The following ANKRD44 variants were observed in gnomAD, a reference collection of about 807,000 sequenced individuals.
ANKRD44 encodes the protein ankyrin repeat domain 44.
ANKRD44 carries 35 observed loss-of-function variants against 116.0 expected under a neutral mutation model. That is an observed-to-expected ratio of 0.30 (90% CI 0.23 to 0.40). The LOEUF is 0.40. ANKRD44 is among the 10% of genes least tolerant of loss of function. The pLI is 1.00. For missense variants in ANKRD44, 1,014 were observed against 1,242.6 expected (o/e 0.82, Z 2.77); for synonymous variants, 435 against 461.8 (o/e 0.94, Z 0.74).
At chr2:196,974,034 G>A (rs924237577) in intron 21 of ANKRD44, among the ~76,000 whole-genome samples, 1 of 151,780 alleles carries the variant, frequency 6.6e-6, no homozygotes, top group Non-Finnish European at 1.5e-5. Flanking sequence ...AGTACGAGAT[G>A]GAAATTTGGG....
intron 1 of ANKRD44, among the ~76,000 whole-genome samples, chr2:197,301,622 G>C (rs1257073378): frequency 6.6e-6 from 1 of 152,192 alleles, no homozygotes; most frequent in Non-Finnish European, 1.5e-5. Flanking sequence ...AATGAAAGCT[G>C]TTTATAGAAG....
chr2:197,016,735 A>G (rs903040263), intron 17 of ANKRD44, among the ~76,000 whole-genome samples: 1 of 152,150 alleles, frequency 6.6e-6, no homozygotes, highest in African/African-American at 2.4e-5. Flanking sequence ...ACAAAAACTC[A>G]GAATTCACAA....
chr2:197,073,931 A>G (rs2077611794), intron 16 of ANKRD44, among the ~76,000 whole-genome samples: 1 of 152,222 alleles, frequency 6.6e-6, no homozygotes, highest in Non-Finnish European at 1.5e-5. Context: ...TTCTTTCATC[A>G]GCTGCCAAAT....
chr2:197,000,289 T>C (rs2076091227), intron 23 of ANKRD44, 130 bp downstream of exon 23: 6 of 704,804 alleles, frequency 8.5e-6, no homozygotes, highest in Non-Finnish European at 1.4e-5. Context: ...TTATACACCC[T>C]CTGTAATATT....
chr2:197,015,910 G>T lies in ANKRD44; in HGVS notation c.1723-2198C>A, dbSNP rs187264017. 4.2e-4 allele frequency: 220 copies of T among 526,710 alleles called. 1 individual carries two copies. In the East Asian group the frequency reaches 7.9e-3, roughly 19 times the overall value. The allele number at this position is 526,710 out of a possible 1,614,324, so 32.6% of individuals were successfully genotyped here. A position where few individuals can be genotyped will look rare whatever the true frequency, so the allele number is the denominator to read the frequency against. ...TAGTGGGCGACAGCAATCAAATTTTGGATCCATGAAAGGGGGTAGTTTTGG... is the reference window on the plus strand; with the variant it reads ...TAGTGGGCGACAGCAATCAAATTTTTGATCCATGAAAGGGGGTAGTTTTGG... On this transcript the variant is annotated intron_variant, in intron 17 of 27. Transcript: ENST00000282272.
chr2:197,215,069 T>A (rs2081415340), intron 1 of ANKRD44, among the ~76,000 whole-genome samples: 1 of 152,112 alleles, frequency 6.6e-6, no homozygotes, highest in South Asian at 2.1e-4. Flanking sequence ...AGAGACAGGG[T>A]TTTGCCATGT....
Position 197,015,171 on chromosome 2 carries a change from G to T in ANKRD44, c.1723-1459C>A. 5 of 267,976 alleles carry T rather than the reference G, an allele frequency of 1.9e-5. No individual in the cohort carries two copies. In the South Asian group the frequency reaches 2.2e-4, roughly 12 times the overall value. The allele number at this position is 267,976 out of a possible 1,614,324, so 16.6% of individuals were successfully genotyped here. A position where few individuals can be genotyped will look rare whatever the true frequency, so the allele number is the denominator to read the frequency against. On this transcript the variant is annotated intron_variant, in intron 17 of 27. Coordinates refer to ENST00000282272, the MANE Select transcript of ANKRD44 (RefSeq NM_001195144.2). ...TCTTGTGTTGAAGAGGTAGATGCTT[G>T]ACCACATAGCATTGATGAGCATGTA...
chr2:197,100,780 T>C (rs945456023), intron 9 of ANKRD44, among the ~76,000 whole-genome samples: 38 of 152,248 alleles, frequency 2.5e-4, no homozygotes, highest in Non-Finnish European at 4.8e-4. Context: ...ATAAAAACTA[T>C]GACAATAATC....
intron 2 of ANKRD44, among the ~76,000 whole-genome samples, chr2:197,161,602 T>C (rs2079967170): frequency 6.6e-6 from 1 of 152,200 alleles, no homozygotes; most frequent in South Asian, 2.1e-4. Flanking sequence ...CATGGATGGA[T>C]TAAACACTAA....
chr2:197,249,529 T>C (rs576738146), intron 1 of ANKRD44, among the ~76,000 whole-genome samples: 2 of 152,326 alleles, frequency 1.3e-5, no homozygotes, highest in African/African-American at 4.8e-5. Context: ...ACATCTTATT[T>C]ATTTTAGAGA....
chr2:197,259,620 C>T (rs1203204493), intron 1 of ANKRD44, among the ~76,000 whole-genome samples: 1 of 152,158 alleles, frequency 6.6e-6, no homozygotes, highest in Non-Finnish European at 1.5e-5. Flanking sequence ...CGTCCTCCAA[C>T]TCATAGTCAT....
At chr2:197,301,749 A>G (rs1212997711) in intron 1 of ANKRD44, among the ~76,000 whole-genome samples, 1 of 152,250 alleles carries the variant, frequency 6.6e-6, no homozygotes, top group Non-Finnish European at 1.5e-5. Flanking sequence ...TTGAGCATTT[A>G]CTATGCACCT....
rs1425878962 is a variant in ANKRD44, at chr2:196,987,645, A to G, written c.*1946T>C. On this transcript the variant is annotated 3_prime_UTR_variant, in exon 28 of 28. Transcript: ENST00000282272. ...GCCCTTTTAGTAGTGATAAATAGAA[A>G]TACCCTGAGCTATTTACTGTAGAAT... The G allele has an allele frequency of 1.3e-5, 13 of 985,306 alleles. No individual in the cohort carries two copies. The highest frequency in any genetic ancestry group is 1.6e-5 in the Non-Finnish European group (13 of 829,922). The allele number at this position is 985,306 out of a possible 1,614,324, so 61.0% of individuals were successfully genotyped here. A position where few individuals can be genotyped will look rare whatever the true frequency, so the allele number is the denominator to read the frequency against.
At chr2:197,003,941 T>C (rs1464452521) in intron 21 of ANKRD44, among the ~76,000 whole-genome samples, 2 of 152,002 alleles carry the variant, frequency 1.3e-5, no homozygotes, top group African/African-American at 4.8e-5. Flanking sequence ...AAGAGGACCG[T>C]AGTGAAAACA....
intron 1 of ANKRD44, among the ~76,000 whole-genome samples, chr2:197,294,401 C>T (rs1279907118): frequency 7.4e-6 from 1 of 135,608 alleles, no homozygotes; most frequent in African/African-American, 2.4e-5. Context: ...GCCTCGCTAA[C>T]CAGTTCAAGG....
chr2:197,168,188 A>G (rs1342993636), intron 2 of ANKRD44, among the ~76,000 whole-genome samples: 1 of 152,176 alleles, frequency 6.6e-6, no homozygotes, highest in East Asian at 1.9e-4. Flanking sequence ...ACCCCAGCTG[A>G]CAAGTCTTTC....
intron 1 of ANKRD44, among the ~76,000 whole-genome samples, chr2:197,264,806 GT>G (rs1267319441): frequency 6.6e-6 from 1 of 152,110 alleles, no homozygotes; most frequent in African/African-American, 2.4e-5. Flanking sequence ...CATTTCCCAA[GT>G]TCAAGAAATC....
intron 9 of ANKRD44, among the ~76,000 whole-genome samples, chr2:197,106,939 C>T (rs564077804): frequency 2.0e-5 from 3 of 151,986 alleles, no homozygotes; most frequent in Middle Eastern, 6.8e-3. Flanking sequence ...ACAATTACTC[C>T]ACAAACCTTG....
Position 197,310,774 on chromosome 2 carries a change from T to G in ANKRD44, c.-170A>C. The G allele has an allele frequency of 1.8e-6, 1 of 546,466 alleles. No individual in the cohort carries two copies. Among genetic ancestry groups the G allele is most frequent in the Non-Finnish European group, 2.6e-6 (1 of 385,346 alleles). 33.9% of individuals were successfully genotyped at this position (546,466 alleles called of 1,614,324 possible). On this transcript the variant is annotated 5_prime_UTR_variant, in exon 1 of 28. Transcript: ENST00000282272. ...CCGCCGCCTCCTCCCGCCGAGAGGC[T>G]GACACTGGCTAGTGGGGTTTGCAGC...
Sources: gnomAD v4.1 joint callset for allele counts (sites outside exome capture counted in the v4.1 genomes callset) on GRCh38, gnomAD v4.1.1 for gene constraint, MANE v1.5 for transcripts, NCBI Gene and HGNC (gene_info 2026-07-23, HGNC 2026-07-21) for gene names.